Variants in ZPBP observed in about 807,000 individuals in gnomAD.
The protein encoded by ZPBP is zona pellucida-binding protein 1.
A neutral mutation model predicts 44.8 loss-of-function variants in ZPBP; 26 were observed. That is an observed-to-expected ratio of 0.58 (90% confidence interval 0.43 to 0.81). The LOEUF (loss-of-function observed/expected upper bound fraction) is 0.81, where lower values mean the gene tolerates loss of function less well. Ranked by LOEUF, ZPBP falls within the 30% of genes least tolerant of loss-of-function variation. The pLI, the probability that ZPBP is intolerant of heterozygous loss-of-function variation, is 0.00. For missense variants in ZPBP, 409 were observed against 434.0 expected, an observed-to-expected ratio of 0.94 and a Z score of 0.51; for synonymous variants, 174 against 153.2, an observed-to-expected ratio of 1.14 and a Z score of -1.00.
intron 2 of ZPBP, among the ~76,000 whole-genome samples, chr7:49,882,341 A>G (rs921720213): frequency 6.6e-6 from 1 of 152,210 alleles, no homozygotes; most frequent in Non-Finnish European, 1.5e-5. Context: ...ATAAAAAGCA[A>G]ATTAGAAAAA....
chr7:49,843,177 C>G, the ZPBP span, among the ~76,000 whole-genome samples: 1 of 152,178 alleles, frequency 6.6e-6, no homozygotes, highest in Non-Finnish European at 1.5e-5. Context: ...TTTCTGTGAA[C>G]TTCTTGCTTA....
chr7:50,015,223 TCAGA>T (rs1798769440), intron 6 of ZPBP, among the ~76,000 whole-genome samples: 1 of 151,654 alleles, frequency 6.6e-6, no homozygotes, highest in Non-Finnish European at 1.5e-5. Context: ...ACAGGAAAAG[TCAGA>T]CAGCAGATAT....
chr7:49,930,153 C>A (rs1794398163), intron 1 of ZPBP, among the ~76,000 whole-genome samples: 1 of 152,148 alleles, frequency 6.6e-6, no homozygotes, highest in African/African-American at 2.4e-5. Context: ...ACAAAAGCTG[C>A]ACTAAGGACT....
intron 4 of ZPBP, among the ~76,000 whole-genome samples, chr7:50,043,715 G>A (rs993993215): frequency 6.6e-5 from 10 of 152,074 alleles, no homozygotes; most frequent in African/African-American, 2.4e-4. Context: ...CACAATAATA[G>A]TAGGAGACTT....
intron 6 of ZPBP, among the ~76,000 whole-genome samples, chr7:50,010,916 A>G (rs1359516043): frequency 2.4e-5 from 2 of 85,084 alleles, no homozygotes; most frequent in East Asian, 3.0e-4. Flanking sequence ...AGCAAAAAAA[A>G]AAAAAAAAAA....
chr7:50,043,168 G>C (rs1180734965), intron 4 of ZPBP, among the ~76,000 whole-genome samples: 2 of 152,130 alleles, frequency 1.3e-5, no homozygotes, highest in Admixed American at 1.3e-4. Context: ...CCCTTGTTTC[G>C]TCCCATCCCT....
At position 50,081,999 on chromosome 7, in the gene ZPBP, G is replaced by C. The variant is rs904003276; in HGVS notation, c.209-100C>G. The C allele has an allele frequency of 5.1e-6, 7 of 1,369,396 alleles. No individual in the cohort carries two copies. The African/African-American group carries it at 8.7e-5, about 17-fold the overall frequency. 84.8% of individuals were successfully genotyped at this position (1,369,396 alleles called of 1,614,324 possible). On this transcript the variant is annotated intron_variant, in intron 2 of 7. Transcript: ENST00000046087. ...GTTTGGGTTACATGCAATAATAAGA[G>C]TACTTTGAATTATTGCTCCTATTAC...
intron 2 of ZPBP, among the ~76,000 whole-genome samples, chr7:50,083,903 A>C (rs992718533): frequency 6.6e-6 from 1 of 152,036 alleles, no homozygotes; most frequent in African/African-American, 2.4e-5. Context: ...TGAACCAGTT[A>C]TAGAAAATTA....
intron 5 of ZPBP, among the ~76,000 whole-genome samples, chr7:50,020,047 C>CAA (rs879423466): frequency 7.7e-5 from 8 of 104,426 alleles, no homozygotes; most frequent in East Asian, 2.6e-4. Context: ...GACTCTGTCT[C>CAA]AAAAAAAAAA....
chr7:49,930,073 T>C (rs1794394217), intron 1 of ZPBP, among the ~76,000 whole-genome samples: 1 of 152,180 alleles, frequency 6.6e-6, no homozygotes, highest in Non-Finnish European at 1.5e-5. Flanking sequence ...GGTTTTTCAT[T>C]TTTATGTTTC....
chr7:50,020,031 G>C (rs891382844), intron 5 of ZPBP, among the ~76,000 whole-genome samples: 19 of 150,496 alleles, frequency 1.3e-4, no homozygotes, highest in Admixed American at 1.3e-3. Context: ...CTCGGCAACA[G>C]AGTGAGACTC....
chr7:49,955,740 T>C (rs1466915987), intron 7 of ZPBP, among the ~76,000 whole-genome samples: 1 of 152,114 alleles, frequency 6.6e-6, no homozygotes, highest in Non-Finnish European at 1.5e-5. Flanking sequence ...TAAAGTTTGG[T>C]AAAACTTAAA....
intron 1 of ZPBP, among the ~76,000 whole-genome samples, chr7:49,930,354 G>T (rs1320158730): frequency 6.6e-6 from 1 of 152,108 alleles, no homozygotes; most frequent in African/African-American, 2.4e-5. Context: ...TTTTCCTCAT[G>T]TACTAGTTAG....
At chr7:49,913,077 T>C (rs1793540810) in intron 1 of ZPBP, 1 of 152,144 alleles carries the variant, frequency 6.6e-6, no homozygotes, top group South Asian at 2.1e-4. Flanking sequence ...TTTATATACC[T>C]GAAATCTAAA....
chr7:49,855,021 G>A (rs1205247519), intron 2 of ZPBP, among the ~76,000 whole-genome samples: 1 of 152,174 alleles, frequency 6.6e-6, no homozygotes, highest in African/African-American at 2.4e-5. Flanking sequence ...GCATTAGCCT[G>A]CCTCTTTGAG....
At chr7:49,863,813 C>G (rs918381468) in intron 2 of ZPBP, among the ~76,000 whole-genome samples, 1 of 152,124 alleles carries the variant, frequency 6.6e-6, no homozygotes, top group African/African-American at 2.4e-5. Flanking sequence ...TTAGTGTGCT[C>G]TCTTTTTACT....
chr7:49,905,265 T>C (rs551030858), intron 1 of ZPBP, among the ~76,000 whole-genome samples: 17 of 152,272 alleles, frequency 1.1e-4, no homozygotes, highest in Admixed American at 8.5e-4. Context: ...ACAGTACTTA[T>C]CATGAGAGTA....
At chr7:49,981,284 TATATA>T (rs1796862011) in intron 7 of ZPBP, among the ~76,000 whole-genome samples, 1 of 81,780 alleles carries the variant, frequency 1.2e-5, no homozygotes, top group African/African-American at 4.7e-5. Context: ...TAATATATAT[TATATA>T]ATATATATTA....
chr7:50,027,587 C>A (rs559777796), intron 5 of ZPBP, among the ~76,000 whole-genome samples: 2 of 151,514 alleles, frequency 1.3e-5, no homozygotes, highest in South Asian at 2.1e-4. Flanking sequence ...TGAATTAAAA[C>A]CAGAGGTAGC....
Sources: gnomAD v4.1 joint callset for allele counts (sites outside exome capture counted in the v4.1 genomes callset) on GRCh38, gnomAD v4.1.1 for gene constraint, MANE v1.5 for transcripts, NCBI Gene and HGNC (gene_info 2026-07-23, HGNC 2026-07-21) for gene names.